XPA: variants seen among roughly 807,000 people sequenced by gnomAD.
XPA encodes the protein DNA repair protein complementing XP-A cells.
A neutral mutation model predicts 35.7 loss-of-function variants in XPA; 27 were observed. That is an observed-to-expected ratio of 0.76 (90% confidence interval 0.56 to 1.04). The LOEUF is 1.04. Among genes scored for constraint, XPA ranks in the 50% least tolerant of loss-of-function variants. The pLI is 0.00. For synonymous variants in XPA, 133 were observed against 118.4 expected (o/e 1.12, Z -0.80); for missense variants, 354 against 342.7 (o/e 1.03, Z -0.26).
intron 2 of XPA, among the ~76,000 whole-genome samples, chr9:97,691,763 G>C (rs1828895341): frequency 6.6e-6 from 1 of 151,506 alleles, no homozygotes. Flanking sequence ...TGTGCCTGTA[G>C]TCCCAGCTAC....
chr9:97,657,900 CTCTCTCTATATA>C, the XPA span, among the ~76,000 whole-genome samples: 1 of 70,964 alleles, frequency 1.4e-5, no homozygotes, highest in East Asian at 3.6e-4. Flanking sequence ...CTCTCTCTCT[CTCTCTCTATATA>C]TATATATATA....
the XPA span, among the ~76,000 whole-genome samples, chr9:97,659,161 G>A: frequency 6.6e-6 from 1 of 152,166 alleles, no homozygotes; most frequent in Non-Finnish European, 1.5e-5. Context: ...CTTACCTTTT[G>A]GTCACATAAT....
chr9:97,662,926 G>A, the XPA span: 7 of 1,488,540 alleles, frequency 4.7e-6, no homozygotes, highest in African/African-American at 8.4e-5. Context: ...AAGTATATAT[G>A]GTATTTTTTT....
chr9:97,697,133 C>T lies in XPA; in HGVS notation c.160G>A (p.Ala54Thr), dbSNP rs756578830. 5 of 1,552,128 alleles carry T rather than the reference C, an allele frequency of 3.2e-6. No individual in the cohort carries two copies. In the East Asian group the frequency reaches 7.2e-5, roughly 22 times the overall value. Residue 54 changes from alanine (A) to threonine (T), a missense_variant, in exon 1 of 6, where the codon GCG becomes ACG. Coordinates refer to ENST00000375128, the MANE Select transcript of XPA (RefSeq NM_000380.4). The part of the protein sequence containing the change: ...AARPYSATAA[A>T]ATGGMANVKA... Reference sequence around the variant, plus strand: ...ACGCGGCCCAAACCTCCAGTAGCCGCAGCCGCCGTCGCCGAGTAGGGCCGG... The same window carrying T: ...ACGCGGCCCAAACCTCCAGTAGCCGTAGCCGCCGTCGCCGAGTAGGGCCGG...
chr9:97,686,934 A>C (rs1828735231), intron 4 of XPA, among the ~76,000 whole-genome samples, 162 bp downstream of exon 4: 2 of 152,192 alleles, frequency 1.3e-5, no homozygotes, highest in African/African-American at 2.4e-5. Flanking sequence ...GCAAAATGAG[A>C]AAACATGTTA....
At chr9:97,667,079 T>C in the XPA span, among the ~76,000 whole-genome samples, 1 of 152,184 alleles carries the variant, frequency 6.6e-6, no homozygotes, top group Non-Finnish European at 1.5e-5. Flanking sequence ...TTACACTGCA[T>C]GATGAACCAG....
Position 97,675,369 on chromosome 9 carries a change from G to A in XPA, c.*70C>T, listed in dbSNP as rs1017580320. ...GATGTTGCTTTTTTTTTTGAATTTT[G>A]AAAAGGACCAATCTAAATTTCCTTT... On this transcript the variant is annotated 3_prime_UTR_variant, in exon 6 of 6. Transcript: ENST00000375128. The A allele has an allele frequency of 4.1e-6, 6 of 1,447,002 alleles. No individual in the cohort carries two copies. The African/African-American group carries it at 7.3e-5, about 18-fold the overall frequency. The allele number at this position is 1,447,002 out of a possible 1,614,324, so 89.6% of individuals were successfully genotyped here. A position where few individuals can be genotyped will look rare whatever the true frequency, so the allele number is the denominator to read the frequency against.
chr9:97,685,370 G>C (rs778404159), intron 4 of XPA, among the ~76,000 whole-genome samples: 36 of 152,154 alleles, frequency 2.4e-4, no homozygotes, highest in South Asian at 6.2e-4. Context: ...GAAACAGTTT[G>C]TTGACAGATT....
chr9:97,694,827 G>T (rs182501661), intron 1 of XPA, among the ~76,000 whole-genome samples: 1 of 152,228 alleles, frequency 6.6e-6, no homozygotes, highest in Non-Finnish European at 1.5e-5. Flanking sequence ...GGTTTCATTC[G>T]TAACAGCCCC....
At chr9:97,655,840 T>C in the XPA span, 2 of 1,432,354 alleles carry the variant, frequency 1.4e-6, no homozygotes, top group East Asian at 4.6e-5. Flanking sequence ...TAAAAGTGTC[T>C]GAAATATTTA....
the XPA span, chr9:97,658,812 T>C: frequency 4.7e-5 from 58 of 1,233,676 alleles, no homozygotes; most frequent in Non-Finnish European, 5.6e-5. Flanking sequence ...GTTAGTTGTT[T>C]AAAGTGGAGA....
chr9:97,657,387 T>C, the XPA span, among the ~76,000 whole-genome samples: 1 of 152,218 alleles, frequency 6.6e-6, no homozygotes, highest in African/African-American at 2.4e-5. Context: ...TGAAAGAGTC[T>C]AGACCTTACT....
chr9:97,686,732 G>T (rs1262491050), intron 4 of XPA, among the ~76,000 whole-genome samples: 1 of 152,030 alleles, frequency 6.6e-6, no homozygotes, highest in Non-Finnish European at 1.5e-5. Context: ...TTCGAGACCA[G>T]CCTGGGCAAT....
chr9:97,675,283 C>A lies in XPA; in HGVS notation c.*156G>T. The A allele has an allele frequency of 1.1e-6, 1 of 904,366 alleles. No individual in the cohort carries two copies. Among genetic ancestry groups the A allele is most frequent in the Admixed American group, 2.3e-5 (1 of 43,346 alleles). 56.0% of individuals were successfully genotyped at this position (904,366 alleles called of 1,614,324 possible). The stretch of plus-strand genomic sequence containing the variant: ...ACCTTCACTGAAACTTGCTTTTAAG[C>A]CATAACATACATAATTATTACTGAA... On this transcript the variant is annotated 3_prime_UTR_variant, in exon 6 of 6. Transcript: ENST00000375128.
the XPA span, chr9:97,662,180 G>C: frequency 3.3e-6 from 5 of 1,522,038 alleles, no homozygotes; most frequent in African/African-American, 6.9e-5. Flanking sequence ...TGAGAGTTTG[G>C]AATTTTGCTT....
At chr9:97,663,578 G>A in the XPA span, among the ~76,000 whole-genome samples, 2 of 151,774 alleles carry the variant, frequency 1.3e-5, no homozygotes, top group African/African-American at 4.8e-5. Flanking sequence ...TCCGCCTCCC[G>A]GGTTCAAGTG....
chr9:97,688,069 TG>T (rs1441480721), intron 3 of XPA, among the ~76,000 whole-genome samples: 2 of 152,156 alleles, frequency 1.3e-5, no homozygotes, highest in African/African-American at 4.8e-5. Context: ...ACAGGAGACA[TG>T]TAGACTATAT....
chr9:97,692,386 T>TA (rs1477432096), intron 2 of XPA, among the ~76,000 whole-genome samples: 1 of 152,198 alleles, frequency 6.6e-6, no homozygotes, highest in African/African-American at 2.4e-5. Context: ...TCCTTCATTA[T>TA]AACACACTAA....
intron 4 of XPA, among the ~76,000 whole-genome samples, 170 bp from the exon 5 acceptor site, chr9:97,685,210 A>G (rs1828678007): frequency 6.6e-6 from 1 of 152,212 alleles, no homozygotes. Context: ...AAACAACTCT[A>G]ATAAAACATC....
Sources: gnomAD v4.1 joint callset for allele counts (sites outside exome capture counted in the v4.1 genomes callset) on GRCh38, gnomAD v4.1.1 for gene constraint, MANE v1.5 for transcripts, NCBI Gene and HGNC (gene_info 2026-07-23, HGNC 2026-07-21) for gene names.